MAPK13: variants seen among roughly 807,000 people sequenced by gnomAD.
MAPK13 encodes mitogen-activated protein kinase 13, also known as MAP kinase 13.
A neutral mutation model predicts 53.5 loss-of-function variants in MAPK13; 39 were observed. The ratio of observed to expected loss-of-function variants is 0.73; its 90% CI spans 0.56 to 0.95. MAPK13 has a LOEUF of 0.95. Among genes scored for constraint, MAPK13 ranks in the 40% least tolerant of loss-of-function variants. The pLI, the probability that MAPK13 is intolerant of heterozygous loss-of-function variation, is 0.00. For synonymous variants in MAPK13, 179 were observed against 190.9 expected, an observed-to-expected ratio of 0.94 and a Z score of 0.51; for missense variants, 460 against 471.8, an observed-to-expected ratio of 0.98 and a Z score of 0.23.
In MAPK13 at chr6:36,139,026, A is replaced by C; in HGVS notation, c.989A>C (p.His330Pro). 4 of 1,607,966 alleles carry C rather than the reference A, an allele frequency of 2.5e-6. No individual in the cohort carries two copies. The highest frequency in any genetic ancestry group is 3.4e-6 in the Non-Finnish European group (4 of 1,177,922). The change falls in exon 11 of 12, where the codon CAC (histidine) becomes CCC (proline). Residue 330 changes from histidine to proline, a missense_variant. Transcript: ENST00000211287. ...AQQPFDDSLE[H>P]EKLTVDEWKQ... Reference sequence around the variant, plus strand: ...CAGCCGTTTGATGATTCCTTAGAACACGAGAAACTCACAGTGGATGAATGG... The same window carrying C: ...CAGCCGTTTGATGATTCCTTAGAACCCGAGAAACTCACAGTGGATGAATGG...
intron 1 of MAPK13, chr6:36,131,045 C>A (rs991524628): frequency 1.8e-6 from 1 of 557,790 alleles, no homozygotes; most frequent in Admixed American, 3.4e-5. Flanking sequence ...TCCCGCCCTG[C>A]CGTGGATCCC....
Position 36,136,487 on chromosome 6 carries a change from C to G in MAPK13, c.451C>G (p.Leu151Val). 1 of 1,597,256 alleles carries G rather than the reference C, an allele frequency of 6.3e-7. No individual in the cohort carries two copies. ...IHSAGVVHRD[L>V]KPGNLAVNED... Reference sequence around the variant, plus strand: ...GCATTCTCTGTCCTCCCCCCAGGACCTGAAGCCAGGCAACCTGGCTGTGAA... The same window carrying G: ...GCATTCTCTGTCCTCCCCCCAGGACGTGAAGCCAGGCAACCTGGCTGTGAA... Residue 151 changes from leucine to valine, a missense_variant, in exon 6 of 12, where the codon CTG becomes GTG. Leu to Val is a conservative substitution (Grantham distance 32, BLOSUM62 1). Coordinates refer to ENST00000211287, the MANE Select transcript of MAPK13 (RefSeq NM_002754.5).
In MAPK13 at chr6:36,130,594, C is replaced by A. The variant is rs200726449; in HGVS notation, c.12C>A (p.Ile4=). Residue 4 remains isoleucine, a synonymous_variant, in exon 1 of 12, where the codon ATC becomes ATA. Coordinates refer to ENST00000211287, the MANE Select transcript of MAPK13 (RefSeq NM_002754.5). This position sits in a 1 kb window ranked among gnomAD's most constrained non-coding sequence, Gnocchi z 4.5. The part of the protein sequence containing the change: MSL[I]RKKGFYKQDV... ...ATCGGGTGCCCGGGATGAGCCTCAT[C>A]CGGAAAAAGGGCTTCTACAAGCAGG... 110 of 1,569,666 alleles carry A rather than the reference C, an allele frequency of 7.0e-5. 2 individuals are homozygous for A. The South Asian group carries it at 1.2e-3, about 17-fold the overall frequency.
rs545449255 is a variant in MAPK13 at position 36,134,338 on chromosome 6, C to CA, written c.309-1413dup. On this transcript the variant is annotated intron_variant, in intron 3 of 11. Coordinates refer to ENST00000211287, the MANE Select transcript of MAPK13 (RefSeq NM_002754.5). The stretch of plus-strand genomic sequence containing the variant: ...CTTTCAAAAACAACAACAACAACAA[C>CA]AACAAAAAACACAACCTATTACATA... 5.5e-4 allele frequency among the ~76,000 whole-genome samples: 84 copies of CA among 152,084 alleles called. 2 individuals carry two copies. Among genetic ancestry groups the CA allele is most frequent in the African/African-American group, 1.9e-3 (79 of 41,438 alleles).
intron 9 of MAPK13, 71 bp downstream of exon 9, chr6:36,138,515 G>C: frequency 6.7e-7 from 1 of 1,495,344 alleles, no homozygotes; most frequent in Non-Finnish European, 9.2e-7. Context: ...TGGGCTGCAG[G>C]CCTTTGTGGA....
At position 36,143,677 on chromosome 6, in the gene MAPK13, C is replaced by CTCTA. The variant is rs1766578729; in HGVS notation, c.*4308_*4311dup. 1 of 152,200 alleles carries CTCTA rather than the reference C, an allele frequency of 6.6e-6. No homozygotes were observed. The highest frequency in any genetic ancestry group is 6.5e-5 in the Admixed American group (1 of 15,286). 9.4% of individuals were successfully genotyped at this position (152,200 alleles called of 1,614,324 possible). On this transcript the variant is annotated 3_prime_UTR_variant, in exon 12 of 12. Coordinates refer to ENST00000211287, the MANE Select transcript of MAPK13 (RefSeq NM_002754.5). ...CTTCATTACACAGTGAACTCATGTG[C>CTCTA]TCTATCTGCATTCCCCCTAAATCCT...
intron 8 of MAPK13, 71 bp from the exon 9 acceptor site, chr6:36,138,294 T>C: frequency 1.7e-6 from 2 of 1,164,880 alleles, no homozygotes; most frequent in Admixed American, 1.7e-5. Context: ...GGTGAAGTGA[T>C]GGTGGGGTCG....
In MAPK13 at chr6:36,138,361, C is replaced by A; in HGVS notation, c.683-4C>A. On this transcript the variant is annotated splice_region_variant and splice_polypyrimidine_tract_variant and intron_variant, in intron 8 of 11. Coordinates refer to ENST00000211287, the MANE Select transcript of MAPK13 (RefSeq NM_002754.5). Reference sequence around the variant, plus strand: ...GCAAGGCTAAGCCTTAACCTGCCACCAAGACCTGGACCAGCTGACCCAGAT... The same window carrying A: ...GCAAGGCTAAGCCTTAACCTGCCACAAAGACCTGGACCAGCTGACCCAGAT... 6.2e-7 allele frequency: 1 copy of A among 1,613,812 alleles called. No individual in the cohort carries two copies. The highest frequency in any genetic ancestry group is 8.5e-7 in the Non-Finnish European group (1 of 1,179,762).
chr6:36,140,869 G>A lies in MAPK13; in HGVS notation c.*1496G>A, dbSNP rs1440912300. The A allele has an allele frequency of 3.3e-5, 5 of 152,262 alleles. No homozygotes were observed. The highest frequency in any genetic ancestry group is 9.7e-5 in the African/African-American group (4 of 41,402). 9.4% of individuals were successfully genotyped at this position (152,262 alleles called of 1,614,324 possible). A position where few individuals can be genotyped will look rare whatever the true frequency, so the allele number is the denominator to read the frequency against. On this transcript the variant is annotated 3_prime_UTR_variant, in exon 12 of 12. Coordinates refer to ENST00000211287, the MANE Select transcript of MAPK13 (RefSeq NM_002754.5). ...CATCTTACTGCAACCTCAGCCTCCT[G>A]GGCTCAAGCCATCCTCCCACCTCAG... is the stretch of plus-strand genomic sequence containing the variant.
intron 2 of MAPK13, 118 bp downstream of exon 2, chr6:36,131,518 G>A (rs1339819432): frequency 2.0e-6 from 2 of 1,003,218 alleles, no homozygotes; most frequent in Non-Finnish European, 2.9e-6. Flanking sequence ...CTCCCCTGAC[G>A]GTGCCTCTCG....
Position 36,133,094 on chromosome 6 carries a change from T to C in MAPK13, c.308+415T>C, listed in dbSNP as rs141974145. Among the ~76,000 whole-genome samples, 628 of 152,124 alleles carry C rather than the reference T, an allele frequency of 4.1e-3. 3 individuals carry two copies. Among genetic ancestry groups the C allele is most frequent in the Non-Finnish European group, 7.1e-3 (484 of 67,978 alleles). The stretch of plus-strand genomic sequence containing the variant: ...CTTGGCTGCCTCTGGCTGATGGGGG[T>C]GTTTGACAGAATGGCAGAAAACCAG... On this transcript the variant is annotated intron_variant, in intron 3 of 11. Coordinates refer to ENST00000211287, the MANE Select transcript of MAPK13 (RefSeq NM_002754.5).
Position 36,135,737 on chromosome 6 carries a change from C to T in MAPK13, c.309-16C>T. ...TGGGACCCGGCACTGTTCCAAGAACCCCTCATGCCTTCCAGCTACCTGGTG... is the reference window on the plus strand; with the variant it reads ...TGGGACCCGGCACTGTTCCAAGAACTCCTCATGCCTTCCAGCTACCTGGTG... On this transcript the variant is annotated splice_polypyrimidine_tract_variant and intron_variant, in intron 3 of 11. Coordinates refer to ENST00000211287, the MANE Select transcript of MAPK13 (RefSeq NM_002754.5). 6.3e-7 allele frequency: 1 copy of T among 1,591,802 alleles called. No individual in the cohort carries two copies. The highest frequency in any genetic ancestry group is 8.6e-7 in the Non-Finnish European group (1 of 1,162,158).
chr6:36,136,836 T>A, intron 7 of MAPK13, 43 bp from the exon 8 acceptor site: 1 of 1,610,010 alleles, frequency 6.2e-7, no homozygotes, highest in East Asian at 2.2e-5. Flanking sequence ...GACTGACTGC[T>A]GGGCCCCAGA....
At position 36,138,176 on chromosome 6, in the gene MAPK13, G is replaced by A. The variant is rs547585707; in HGVS notation, c.683-189G>A. Among the ~76,000 whole-genome samples the A allele has an allele frequency of 1.9e-4, 29 of 152,160 alleles. 1 individual carries two copies. In the South Asian group the frequency reaches 4.4e-3, roughly 23 times the overall value. On this transcript the variant is annotated intron_variant, in intron 8 of 11. Transcript: ENST00000211287. ...GTAGGGACCCCCCTCAGCCTGGCACGTTGGAAAGCTCTCCAGAGCCCTGAG... is the reference window on the plus strand; with the variant it reads ...GTAGGGACCCCCCTCAGCCTGGCACATTGGAAAGCTCTCCAGAGCCCTGAG...
chr6:36,138,625 C>G, intron 9 of MAPK13, 77 bp from the exon 10 acceptor site: 1 of 1,462,382 alleles, frequency 6.8e-7, no homozygotes, highest in South Asian at 1.2e-5. Context: ...CAGCCCTGCT[C>G]TGAGGCTTTT....
chr6:36,138,229 G>GC, intron 8 of MAPK13, 136 bp from the exon 9 acceptor site: 1 of 660,892 alleles, frequency 1.5e-6, no homozygotes, highest in Non-Finnish European at 2.8e-6. Flanking sequence ...CCTCCTGAGA[G>GC]CAGGAGGTGG....
chr6:36,137,585 G>C (rs1188568186), intron 8 of MAPK13, among the ~76,000 whole-genome samples: 1 of 151,788 alleles, frequency 6.6e-6, no homozygotes, highest in African/African-American at 2.4e-5. Context: ...GGGAGGTTGA[G>C]GCTGCAGTGA....
intron 3 of MAPK13, among the ~76,000 whole-genome samples, chr6:36,134,735 C>T (rs1384654975): frequency 6.6e-6 from 1 of 151,832 alleles, no homozygotes; most frequent in Admixed American, 6.6e-5. Context: ...GGGTCCAGGC[C>T]GGGCATGGTG....
chr6:36,136,578 C>T, intron 6 of MAPK13, 47 bp downstream of exon 6: 4 of 1,596,710 alleles, frequency 2.5e-6, no homozygotes, highest in Non-Finnish European at 3.4e-6. Flanking sequence ...GGCCCTCCCC[C>T]AGGGAAGCCC....
Sources: allele counts gnomAD v4.1 joint callset (sites outside exome capture counted in the v4.1 genomes callset), GRCh38; gene constraint gnomAD v4.1.1; non-coding constraint Gnocchi (gnomAD v3.1); transcripts MANE v1.5; gene names NCBI Gene and HGNC (gene_info 2026-07-23, HGNC 2026-07-21).